Variants in GALNT18 observed in about 807,000 individuals in gnomAD.
GALNT18 encodes the protein polypeptide N-acetylgalactosaminyltransferase 18.
In GALNT18, 44 loss-of-function variants were observed where a neutral mutation model predicts 69.5. The ratio of observed to expected loss-of-function variants is 0.63; its 90% CI spans 0.50 to 0.81. The LOEUF (loss-of-function observed/expected upper bound fraction) is 0.81. GALNT18 is among the 40% of genes least tolerant of loss of function. The pLI, the probability that GALNT18 is intolerant of heterozygous loss-of-function variation, is 0.00. For synonymous variants in GALNT18, 364 were observed against 318.2 expected (o/e 1.14, Z -1.53); for missense variants, 715 against 810.0 (o/e 0.88, Z 1.42).
At chr11:11,495,566 T>C (rs1352247906) in intron 1 of GALNT18, among the ~76,000 whole-genome samples, 1 of 152,166 alleles carries the variant, frequency 6.6e-6, no homozygotes, top group African/African-American at 2.4e-5. Flanking sequence ...GAATCTAAGA[T>C]GAAGTAGTTA....
At position 11,586,807 on chromosome 11, in the gene GALNT18, C is replaced by T. The variant is rs576456581; in HGVS notation, c.235+34552G>A. Among the ~76,000 whole-genome samples the T allele has an allele frequency of 1.6e-4, 18 of 113,186 alleles. No homozygotes were observed. Among genetic ancestry groups the T allele is most frequent in the African/African-American group, 5.4e-4 (18 of 33,494 alleles). 74.3% of individuals were successfully genotyped at this position (113,186 alleles called of 152,430 possible). A position where few individuals can be genotyped will look rare whatever the true frequency, so the allele number is the denominator to read the frequency against. ...TGGCCAACATGGTTAAACACCATCT[C>T]TACTAAAAACACACACACACACACA... On this transcript the variant is annotated intron_variant, in intron 1 of 10. Coordinates refer to ENST00000227756, the MANE Select transcript of GALNT18 (RefSeq NM_198516.3). This position sits in a 1 kb window ranked among gnomAD's most constrained non-coding sequence, Gnocchi z 4.1.
At position 11,432,668 on chromosome 11, in the gene GALNT18, G is replaced by C. The variant is rs139404466; in HGVS notation, c.548C>G (p.Pro183Arg). 1 of 1,612,330 alleles carries C rather than the reference G, an allele frequency of 6.2e-7. No individual in the cohort carries two copies. Among genetic ancestry groups the C allele is most frequent in the South Asian group, 1.1e-5 (1 of 90,476 alleles). The change falls in exon 3 of 11, where the codon CCA becomes CGA. Residue 183 changes from proline (P) to arginine (R), a missense_variant. Transcript: ENST00000227756. The surrounding 1 kb of genome is among the most constrained non-coding windows in gnomAD (Gnocchi z 5.8). ...SIHSAMERTP[P>R]HLLKEIILVD... Reference sequence around the variant, plus strand: ...CAGAATGATCTCCTTGAGCAGATGTGGGGGCGTGCGTTCCATGGCCGAGTG... The same window carrying C: ...CAGAATGATCTCCTTGAGCAGATGTCGGGGCGTGCGTTCCATGGCCGAGTG...
In GALNT18 at chr11:11,382,471, C is replaced by T. The variant is rs1181933907; in HGVS notation, c.596-3207G>A. The stretch of plus-strand genomic sequence containing the variant: ...ATTAACTATTTTATATACACATAAA[C>T]ACACACACATACCTGTTCACATATA... On this transcript the variant is annotated intron_variant, in intron 3 of 10. Coordinates refer to ENST00000227756, the MANE Select transcript of GALNT18 (RefSeq NM_198516.3). The surrounding 1 kb of genome is among the most constrained non-coding windows in gnomAD (Gnocchi z 4.3). Among the ~76,000 whole-genome samples the T allele has an allele frequency of 6.6e-6, 1 of 152,146 alleles. No individual in the cohort carries two copies. The highest frequency in any genetic ancestry group is 6.5e-5 in the Admixed American group (1 of 15,284).
Position 11,582,902 on chromosome 11 carries a change from T to C in GALNT18, c.235+38457A>G, listed in dbSNP as rs1353024680. ...CACCACAGCCACAGAGCACAGCCAC[T>C]GCCACACACACCCCACAGAAGTGGT... On this transcript the variant is annotated intron_variant, in intron 1 of 10. Coordinates refer to ENST00000227756, the MANE Select transcript of GALNT18 (RefSeq NM_198516.3). This position sits in a 1 kb window ranked among gnomAD's most constrained non-coding sequence, Gnocchi z 5.0. Among the ~76,000 whole-genome samples, 2 of 152,182 alleles carry C rather than the reference T, an allele frequency of 1.3e-5. No homozygotes were observed. Among genetic ancestry groups the C allele is most frequent in the African/African-American group, 2.4e-5 (1 of 41,452 alleles).
Position 11,573,019 on chromosome 11 carries a change from G to A in GALNT18, c.235+48340C>T, listed in dbSNP as rs960517153. On this transcript the variant is annotated intron_variant, in intron 1 of 10. Transcript: ENST00000227756. The surrounding 1 kb of genome is among the most constrained non-coding windows in gnomAD (Gnocchi z 4.6). ...TAGTCCTCACAGTAGTCCCATGAAG[G>A]AGGACGTTATCTTAGCCCATTTTAC... Among the ~76,000 whole-genome samples the A allele has an allele frequency of 2.6e-5, 4 of 152,102 alleles. No homozygotes were observed. Among genetic ancestry groups the A allele is most frequent in the African/African-American group, 9.7e-5 (4 of 41,450 alleles).
chr11:11,544,415 A>G (rs985908682), intron 1 of GALNT18, among the ~76,000 whole-genome samples: 1 of 152,224 alleles, frequency 6.6e-6, no homozygotes, highest in Non-Finnish European at 1.5e-5. Flanking sequence ...TGGGTGCATT[A>G]AGTCATATAA....
At chr11:11,471,210 A>T (rs561261995) in intron 1 of GALNT18, among the ~76,000 whole-genome samples, 1 of 151,970 alleles carries the variant, frequency 6.6e-6, no homozygotes, top group African/African-American at 2.4e-5. Context: ...TACCTCTCTC[A>T]TGGTTGCAGC....
At position 11,404,519 on chromosome 11, in the gene GALNT18, C is replaced by A. The variant is rs541885210; in HGVS notation, c.596-25255G>T. 7.9e-5 allele frequency among the ~76,000 whole-genome samples: 12 copies of A among 152,262 alleles called. No individual in the cohort carries two copies. In the South Asian group the frequency reaches 1.2e-3, roughly 16 times the overall value. On this transcript the variant is annotated intron_variant, in intron 3 of 10. Coordinates refer to ENST00000227756, the MANE Select transcript of GALNT18 (RefSeq NM_198516.3). This position sits in a 1 kb window ranked among gnomAD's most constrained non-coding sequence, Gnocchi z 4.5. Reference sequence around the variant, plus strand: ...GCGCCCAGGGAGTGAGCCAAACATTCCATGTTATAGAAGTAAGGAGAGTCA... The same window carrying A: ...GCGCCCAGGGAGTGAGCCAAACATTACATGTTATAGAAGTAAGGAGAGTCA...
intron 6 of GALNT18, among the ~76,000 whole-genome samples, chr11:11,360,281 C>T (rs1850616868): frequency 6.6e-6 from 1 of 152,326 alleles, no homozygotes; most frequent in South Asian, 2.1e-4. Flanking sequence ...TGAAGCCCCA[C>T]CTAACTTCCG....
intron 1 of GALNT18, among the ~76,000 whole-genome samples, chr11:11,516,279 T>TAGG (rs1564989028): frequency 6.6e-6 from 1 of 152,208 alleles, no homozygotes; most frequent in Non-Finnish European, 1.5e-5. Flanking sequence ...AGCCCATCCC[T>TAGG]GGAATGTTGG....
chr11:11,384,259 T>C (rs1055602017), intron 3 of GALNT18, among the ~76,000 whole-genome samples: 1 of 152,128 alleles, frequency 6.6e-6, no homozygotes, highest in Non-Finnish European at 1.5e-5. Context: ...GGTGGAGCTA[T>C]TATATTAGCC....
At chr11:11,426,865 A>G (rs1020226519) in intron 3 of GALNT18, among the ~76,000 whole-genome samples, 1 of 152,222 alleles carries the variant, frequency 6.6e-6, no homozygotes, top group Non-Finnish European at 1.5e-5. Flanking sequence ...TAGAAAGAAC[A>G]TTCCAGGTGG....
rs1039151463 is a variant in GALNT18, at chr11:11,613,222, G to A, written c.235+8137C>T. Among the ~76,000 whole-genome samples, 4 of 152,150 alleles carry A rather than the reference G, an allele frequency of 2.6e-5. No individual in the cohort carries two copies. The highest frequency in any genetic ancestry group is 9.7e-5 in the African/African-American group (4 of 41,408). ...ATAACAAGGAATCCTCTTGCTTAAA[G>A]TTCCAGTTGGCTGCACTGGAACTAC... On this transcript the variant is annotated intron_variant, in intron 1 of 10. Coordinates refer to ENST00000227756, the MANE Select transcript of GALNT18 (RefSeq NM_198516.3). This position sits in a 1 kb window ranked among gnomAD's most constrained non-coding sequence, Gnocchi z 4.2.
intron 6 of GALNT18, among the ~76,000 whole-genome samples, chr11:11,358,426 A>T (rs1457902799): frequency 7.1e-6 from 1 of 140,558 alleles, no homozygotes; most frequent in East Asian, 1.9e-4. Flanking sequence ...ACCTTCCATC[A>T]TCTGAGTTTG....
At chr11:11,431,097 G>A (rs185688753) in intron 3 of GALNT18, among the ~76,000 whole-genome samples, 1 of 152,120 alleles carries the variant, frequency 6.6e-6, no homozygotes, top group Non-Finnish European at 1.5e-5. Flanking sequence ...GACATGAAAA[G>A]GTTCTCACTA....
Position 11,387,425 on chromosome 11 carries a change from A to AG in GALNT18, c.596-8162dup, listed in dbSNP as rs1175827766. Among the ~76,000 whole-genome samples, 1 of 152,108 alleles carries AG rather than the reference A, an allele frequency of 6.6e-6. No homozygotes were observed. The highest frequency in any genetic ancestry group is 1.5e-5 in the Non-Finnish European group (1 of 68,008). On this transcript the variant is annotated intron_variant, in intron 3 of 10. Coordinates refer to ENST00000227756, the MANE Select transcript of GALNT18 (RefSeq NM_198516.3). The surrounding 1 kb of genome is among the most constrained non-coding windows in gnomAD (Gnocchi z 4.6). ...CACCCCATCCCTCCAGTTGCCCAGG[A>AG]GGGGAGTGGGAACACCCCACCCACA...
chr11:11,292,558 C>G (rs1239144093), intron 10 of GALNT18, among the ~76,000 whole-genome samples: 2 of 152,134 alleles, frequency 1.3e-5, no homozygotes, highest in Admixed American at 6.5e-5. Context: ...GAGGGGGTTG[C>G]AGATCAGAGA....
At position 11,320,184 on chromosome 11, in the gene GALNT18, C is replaced by T. The variant is rs1849820319; in HGVS notation, c.1512+6902G>A. ...CACTATATATTGCCTCAGAAATTGT[C>T]TTTCAGCATTTTCAGGCTTCCTATC... On this transcript the variant is annotated intron_variant, in intron 9 of 10. Coordinates refer to ENST00000227756, the MANE Select transcript of GALNT18 (RefSeq NM_198516.3). This position sits in a 1 kb window ranked among gnomAD's most constrained non-coding sequence, Gnocchi z 4.9. 6.6e-6 allele frequency among the ~76,000 whole-genome samples: 1 copy of T among 152,166 alleles called. No homozygotes were observed. The highest frequency in any genetic ancestry group is 1.5e-5 in the Non-Finnish European group (1 of 68,020).
chr11:11,578,900 C>T, intron 1 of GALNT18, among the ~76,000 whole-genome samples: 1 of 152,202 alleles, frequency 6.6e-6, no homozygotes, highest in Non-Finnish European at 1.5e-5. Context: ...AGGGCTATGT[C>T]AGCAGCGAAG....
Sources: allele counts gnomAD v4.1 joint callset (sites outside exome capture counted in the v4.1 genomes callset), GRCh38; gene constraint gnomAD v4.1.1; non-coding constraint Gnocchi (gnomAD v3.1); transcripts MANE v1.5; gene names NCBI Gene and HGNC (gene_info 2026-07-23, HGNC 2026-07-21).